Variants in DGKH observed in about 807,000 individuals in gnomAD.
DGKH encodes DAG kinase eta.
DGKH carries 90 observed loss-of-function variants against 159.3 expected under a neutral mutation model. The ratio of observed to expected loss-of-function variants is 0.57; its 90% confidence interval spans 0.48 to 0.67. The LOEUF (loss-of-function observed/expected upper bound fraction) is 0.67. Ranked by LOEUF, DGKH falls within the 30% of genes least tolerant of loss-of-function variation. The probability of loss-of-function intolerance (pLI) is 0.00; values close to 1 mark genes in which losing one functional copy is unlikely to be tolerated. For missense variants in DGKH, 1,181 were observed against 1,506.1 expected, an observed-to-expected ratio of 0.78 and a Z score of 3.57; for synonymous variants, 536 against 553.8, an observed-to-expected ratio of 0.97 and a Z score of 0.45.
intron 1 of DGKH, among the ~76,000 whole-genome samples, chr13:42,099,859 C>T (rs2137770658): frequency 6.6e-6 from 1 of 152,310 alleles, no homozygotes; most frequent in South Asian, 2.1e-4. Flanking sequence ...CTCCACAGAA[C>T]TCTGGGGGCT....
chr13:42,087,184 A>C (rs1954325216), intron 1 of DGKH, among the ~76,000 whole-genome samples: 1 of 152,122 alleles, frequency 6.6e-6, no homozygotes, highest in Admixed American at 6.5e-5. Flanking sequence ...TAATACACAG[A>C]GATCCTGTAG....
intron 1 of DGKH, 34 bp from the exon 2 acceptor site, chr13:42,127,429 T>A (rs1955191200): frequency 2.7e-6 from 4 of 1,494,494 alleles, no homozygotes; most frequent in Non-Finnish European, 3.7e-6. Flanking sequence ...GAATTTCATT[T>A]TAATCGTGTC....
intron 1 of DGKH, chr13:42,068,885 CAA>C: frequency 2.0e-6 from 2 of 976,292 alleles, no homozygotes; most frequent in Non-Finnish European, 2.9e-6. Flanking sequence ...ATAAAAAAGA[CAA>C]AATACATTTC....
At chr13:42,219,139 G>A (rs971576217) in intron 26 of DGKH, 91 bp from the exon 27 acceptor site, 10 of 1,504,710 alleles carry the variant, frequency 6.6e-6, no homozygotes, top group Non-Finnish European at 9.0e-6. Context: ...AAGGAGTGAG[G>A]CTGTTCACTG....
chr13:42,062,888 C>G (rs912960511), intron 1 of DGKH, among the ~76,000 whole-genome samples: 1 of 151,624 alleles, frequency 6.6e-6, no homozygotes, highest in Non-Finnish European at 1.5e-5. Context: ...AGGTTATCTG[C>G]GTTTTTATTT....
At chr13:42,118,332 A>T (rs1955002124) in intron 1 of DGKH, among the ~76,000 whole-genome samples, 1 of 152,194 alleles carries the variant, frequency 6.6e-6, no homozygotes, top group South Asian at 2.1e-4. Flanking sequence ...TTTAAAATAC[A>T]CAGTTACCTT....
intron 5 of DGKH, among the ~76,000 whole-genome samples, chr13:42,158,751 T>C (rs1956103918): frequency 6.6e-6 from 1 of 152,242 alleles, no homozygotes; most frequent in Non-Finnish European, 1.5e-5. Flanking sequence ...TTGGTATACT[T>C]GCACTTTACA....
At position 42,043,486 on chromosome 13, in the gene DGKH, C is replaced by T. The variant is rs564424475; in HGVS notation, c.-13+3360C>T. Reference sequence around the variant, plus strand: ...TCCTGAGTAGCTAGGACTACAGGCACATGCCACCATGCTGGGCTCATTTTG... The same window carrying T: ...TCCTGAGTAGCTAGGACTACAGGCATATGCCACCATGCTGGGCTCATTTTG... On this transcript the variant is annotated intron_variant, in intron 1 of 29. Coordinates refer to the DGKH transcript ENST00000379274. Among the ~76,000 whole-genome samples the T allele has an allele frequency of 3.9e-5, 6 of 152,088 alleles. No individual in the cohort carries two copies. The East Asian group carries it at 1.2e-3, about 29-fold the overall frequency.
In DGKH at chr13:42,234,406, A is replaced by T. The variant is rs1057065683; in HGVS notation, c.*5218A>T. The T allele has an allele frequency of 6.6e-6, 1 of 152,168 alleles. No homozygotes were observed. Among genetic ancestry groups the T allele is most frequent in the African/African-American group, 2.4e-5 (1 of 41,442 alleles). The allele number at this position is 152,168 out of a possible 1,614,324, so 9.4% of individuals were successfully genotyped here. On this transcript the variant is annotated 3_prime_UTR_variant, in exon 30 of 30. Transcript: ENST00000337343. ...TAAAGTAAAACATCTTCTATCTCCA[A>T]CTGGGCTGTCAACATAGTGGACTTT...
chr13:42,092,313 C>T (rs1954434674), intron 1 of DGKH, among the ~76,000 whole-genome samples: 1 of 152,046 alleles, frequency 6.6e-6, no homozygotes, highest in South Asian at 2.1e-4. Context: ...CCACTGTTCA[C>T]AATAGTCAAG....
At chr13:42,192,623 CTTCT>C (rs1957108705) in intron 16 of DGKH, among the ~76,000 whole-genome samples, 2 of 135,290 alleles carry the variant, frequency 1.5e-5, no homozygotes, top group Admixed American at 8.4e-5. Flanking sequence ...TCTTTTCTTT[CTTCT>C]TTCTTCTTCT....
intron 1 of DGKH, among the ~76,000 whole-genome samples, chr13:42,049,892 T>C (rs1881140771): frequency 6.6e-6 from 1 of 152,246 alleles, no homozygotes. Context: ...TTTAAAAATC[T>C]TCACAGAGAG....
intron 1 of DGKH, among the ~76,000 whole-genome samples, chr13:42,079,989 T>C (rs1954169753): frequency 6.6e-6 from 1 of 152,210 alleles, no homozygotes; most frequent in African/African-American, 2.4e-5. Flanking sequence ...TCCTTCCACT[T>C]TCTTTTGACT....
chr13:42,101,073 T>TC (rs953820906), intron 1 of DGKH, among the ~76,000 whole-genome samples: 12 of 152,172 alleles, frequency 7.9e-5, no homozygotes, highest in African/African-American at 2.9e-4. Flanking sequence ...CAGCACTGGC[T>TC]CCCCCACTAA....
intron 3 of DGKH, among the ~76,000 whole-genome samples, chr13:42,152,452 C>A (rs1015447961): frequency 6.7e-6 from 1 of 148,906 alleles, no homozygotes; most frequent in African/African-American, 2.4e-5. Context: ...TATATACATA[C>A]ACACACATAT....
At chr13:42,106,414 T>G (rs1357558657) in intron 1 of DGKH, among the ~76,000 whole-genome samples, 1 of 152,150 alleles carries the variant, frequency 6.6e-6, no homozygotes, top group Non-Finnish European at 1.5e-5. Context: ...CTCTGCATAC[T>G]CTCAGCAGAG....
At chr13:42,065,245 CTTTTTGTAG>C (rs1424050093) in intron 1 of DGKH, among the ~76,000 whole-genome samples, 1 of 152,080 alleles carries the variant, frequency 6.6e-6, no homozygotes, top group East Asian at 1.9e-4. Flanking sequence ...GTTTGTAAAC[CTTTTTGTAG>C]ATTTTGTAGA....
intron 16 of DGKH, 106 bp downstream of exon 16, chr13:42,190,631 T>C: frequency 8.6e-7 from 1 of 1,163,244 alleles, no homozygotes; most frequent in South Asian, 1.7e-5. Context: ...TATTTTTATT[T>C]TTGAAAAGGC....
chr13:42,152,980 C>A (rs143509330), intron 3 of DGKH, among the ~76,000 whole-genome samples: 1 of 152,056 alleles, frequency 6.6e-6, no homozygotes, highest in Non-Finnish European at 1.5e-5. Context: ...AGTTGCTGTC[C>A]GTGGACAAAT....
Sources: gnomAD v4.1 joint callset for allele counts (sites outside exome capture counted in the v4.1 genomes callset) on GRCh38, gnomAD v4.1.1 for gene constraint, MANE v1.5 for transcripts, NCBI Gene and HGNC (gene_info 2026-07-23, HGNC 2026-07-21) for gene names.